Variants in DHRSX observed in about 807,000 individuals in gnomAD.
DHRSX encodes the protein dehydrogenase/reductase X-linked.
A neutral mutation model predicts 34.0 loss-of-function variants in DHRSX; 31 were observed. That is an observed-to-expected ratio of 0.91 (90% CI 0.69 to 1.23). DHRSX has a LOEUF of 1.23. DHRSX is among the 50% of genes most tolerant of loss of function. The pLI, the probability that DHRSX is intolerant of heterozygous loss-of-function variation, is 0.00. For missense variants in DHRSX, 414 were observed against 428.1 expected (o/e 0.97, Z 0.29); for synonymous variants, 201 against 183.8 (o/e 1.09, Z -0.76).
intron 1 of DHRSX, among the ~76,000 whole-genome samples, chrX:2,492,402 G>A (rs1413597088): frequency 2.6e-5 from 4 of 151,868 alleles, no homozygotes; most frequent in Admixed American, 6.6e-5. Flanking sequence ...AGCTGGGAGA[G>A]GCAGGAAGGA....
At chrX:2,469,154 G>A (rs1442945975) in intron 1 of DHRSX, among the ~76,000 whole-genome samples, 2 of 152,036 alleles carry the variant, frequency 1.3e-5, no homozygotes, top group Admixed American at 1.3e-4. Context: ...CCACCACCAT[G>A]TACACACCGA....
intron 3 of DHRSX, among the ~76,000 whole-genome samples, chrX:2,391,925 TAAAAGAAAAA>T (rs1286576722): frequency 6.7e-6 from 1 of 150,150 alleles, no homozygotes; most frequent in Non-Finnish European, 1.5e-5. Flanking sequence ...AAATTCCGAC[TAAAAGAAAAA>T]AAAAGGAAAG....
At chrX:2,467,548 G>A (rs1427316325) in intron 1 of DHRSX, among the ~76,000 whole-genome samples, 1 of 152,124 alleles carries the variant, frequency 6.6e-6, no homozygotes, top group East Asian at 1.9e-4. Context: ...GACAATGTGT[G>A]AGATGCCAAA....
intron 6 of DHRSX, among the ~76,000 whole-genome samples, chrX:2,227,720 ATGGG>A (rs1797034509): frequency 1.0e-4 from 1 of 9,926 alleles, no homozygotes; most frequent in Non-Finnish European, 1.8e-4. Flanking sequence ...AGAAGGAAGG[ATGGG>A]AGGGAGGGAG....
At chrX:2,401,612 A>G (rs17842919) in intron 3 of DHRSX, among the ~76,000 whole-genome samples, 29,318 of 151,972 alleles carry the variant, frequency 0.19, 3,481 homozygotes, top group African/African-American at 0.3. Flanking sequence ...TGCTTTTAAG[A>G]GTGTTTAACT....
chrX:2,315,399 A>T (rs903854011), intron 3 of DHRSX, among the ~76,000 whole-genome samples: 4 of 152,170 alleles, frequency 2.6e-5, no homozygotes, highest in African/African-American at 9.7e-5. Flanking sequence ...AAGATTTCCT[A>T]TCAGGAGAAC....
intron 3 of DHRSX, among the ~76,000 whole-genome samples, chrX:2,371,399 C>G (rs1167792687): frequency 1.3e-5 from 2 of 151,598 alleles, no homozygotes; most frequent in Non-Finnish European, 2.9e-5. Flanking sequence ...GTCCCCCCTT[C>G]TCACATTACC....
intron 3 of DHRSX, among the ~76,000 whole-genome samples, chrX:2,327,913 T>C (rs955537551): frequency 2.1e-4 from 32 of 152,014 alleles, no homozygotes; most frequent in African/African-American, 7.2e-4. Flanking sequence ...ACTCCATCTC[T>C]ACTAAAAATA....
At chrX:2,301,690 G>C (rs1300601619) in intron 3 of DHRSX, among the ~76,000 whole-genome samples, 1 of 152,116 alleles carries the variant, frequency 6.6e-6, no homozygotes, top group Non-Finnish European at 1.5e-5. Context: ...TCAGGCTGAA[G>C]TGCGGTGGTG....
chrX:2,317,475 C>T (rs1258268957), intron 3 of DHRSX, among the ~76,000 whole-genome samples: 1 of 151,604 alleles, frequency 6.6e-6, no homozygotes, highest in Non-Finnish European at 1.5e-5. Flanking sequence ...TGGTCTTGAA[C>T]TCCTGACCTC....
intron 3 of DHRSX, among the ~76,000 whole-genome samples, chrX:2,382,290 G>A (rs2043211893): frequency 6.6e-6 from 1 of 152,038 alleles, no homozygotes; most frequent in African/African-American, 2.4e-5. Context: ...TGTCAGACTT[G>A]GCCAACCTAC....
intron 3 of DHRSX, among the ~76,000 whole-genome samples, chrX:2,388,827 T>G (rs2043301991): frequency 6.6e-6 from 1 of 151,764 alleles, no homozygotes. Flanking sequence ...AATGTCTTGT[T>G]TGTAAGTCAT....
At position 2,399,725 on chromosome X, in the gene DHRSX, C is replaced by CAAAAAAAAA. The variant is rs779558142; in HGVS notation, c.286+9011_286+9019dup. Among the ~76,000 whole-genome samples the CAAAAAAAAA allele has an allele frequency of 2.0e-4, 7 of 35,216 alleles. 1 individual carries two copies. The highest frequency in any genetic ancestry group is 8.8e-4 in the East Asian group (1 of 1,136). 23.1% of individuals were successfully genotyped at this position (35,216 alleles called of 152,430 possible). On this transcript the variant is annotated intron_variant, in intron 3 of 6. Transcript: ENST00000334651. Reference sequence around the variant, plus strand: ...CGTCTCAAAACAAACAAACAAAAAGCAAAAAAAAAAAAAAAAACAAAAAAA... The same window carrying CAAAAAAAAA: ...CGTCTCAAAACAAACAAACAAAAAGCAAAAAAAAAAAAAAAAAAAAAAAAAACAAAAAAA...
At chrX:2,335,152 T>G (rs1028995304) in intron 3 of DHRSX, among the ~76,000 whole-genome samples, 3 of 144,554 alleles carry the variant, frequency 2.1e-5, no homozygotes, top group African/African-American at 7.7e-5. Context: ...ACCACTGCAC[T>G]CCAGCCTGGA....
chrX:2,391,862 G>C (rs2043338989), intron 3 of DHRSX, among the ~76,000 whole-genome samples: 1 of 152,066 alleles, frequency 6.6e-6, no homozygotes, highest in South Asian at 2.1e-4. Context: ...AGGAGGTGAA[G>C]GTTGCAGTGG....
intron 3 of DHRSX, among the ~76,000 whole-genome samples, chrX:2,310,922 G>T (rs1383641255): frequency 2.0e-5 from 3 of 151,912 alleles, no homozygotes. Flanking sequence ...CTAGCTGAGC[G>T]TGGTGGCGGG....
intron 3 of DHRSX, among the ~76,000 whole-genome samples, chrX:2,357,860 G>C (rs918994656): frequency 6.6e-6 from 1 of 152,078 alleles, no homozygotes; most frequent in Non-Finnish European, 1.5e-5. Flanking sequence ...CCTACATAAC[G>C]GTGGTTATGA....
At chrX:2,359,521 T>C (rs2124585121) in intron 3 of DHRSX, among the ~76,000 whole-genome samples, 1 of 151,870 alleles carries the variant, frequency 6.6e-6, no homozygotes, top group South Asian at 2.1e-4. Flanking sequence ...CTACTAAAAA[T>C]ACAAAAAAAT....
At chrX:2,348,140 T>C (rs906270102) in intron 3 of DHRSX, among the ~76,000 whole-genome samples, 4 of 152,190 alleles carry the variant, frequency 2.6e-5, no homozygotes, top group African/African-American at 9.6e-5. Flanking sequence ...TGTGTTAGTA[T>C]TATAGGCAAA....
Sources: gnomAD v4.1 joint callset for allele counts (sites outside exome capture counted in the v4.1 genomes callset) on GRCh38, gnomAD v4.1.1 for gene constraint, MANE v1.5 for transcripts, NCBI Gene and HGNC (gene_info 2026-07-23, HGNC 2026-07-21) for gene names.